The following CACNA2D2 variants were observed in gnomAD, a reference collection of about 807,000 sequenced individuals.
CACNA2D2 encodes the protein voltage-dependent calcium channel subunit alpha-2/delta-2.
A neutral mutation model predicts 166.4 loss-of-function variants in CACNA2D2; 48 were observed. That is an observed-to-expected ratio of 0.29 (90% confidence interval 0.23 to 0.37). CACNA2D2 has a LOEUF of 0.37. Ranked by LOEUF, CACNA2D2 falls within the 10% of genes least tolerant of loss-of-function variation. The pLI, the probability that CACNA2D2 is intolerant of heterozygous loss-of-function variation, is 1.00. For synonymous variants in CACNA2D2, 561 were observed against 573.7 expected (o/e 0.98, Z 0.32); for missense variants, 1,122 against 1,433.0 (o/e 0.78, Z 3.50).
chr3:50,443,593 C>T (rs1368168674), intron 2 of CACNA2D2, among the ~76,000 whole-genome samples: 1 of 152,206 alleles, frequency 6.6e-6, no homozygotes, highest in Non-Finnish European at 1.5e-5. Flanking sequence ...GTCCGTTCAC[C>T]ACCTTGTGCA....
chr3:50,461,998 T>A (rs1709608384), intron 2 of CACNA2D2, among the ~76,000 whole-genome samples: 1 of 152,138 alleles, frequency 6.6e-6, no homozygotes, highest in Non-Finnish European at 1.5e-5. Flanking sequence ...AAATTTAATT[T>A]AACAGAAGCC....
intron 4 of CACNA2D2, among the ~76,000 whole-genome samples, chr3:50,391,333 C>T (rs1400698114): frequency 6.6e-6 from 1 of 152,232 alleles, no homozygotes; most frequent in African/African-American, 2.4e-5. Context: ...GGCCACTCCC[C>T]CCTCCCCTTC....
At chr3:50,449,330 C>T (rs1205224645) in intron 2 of CACNA2D2, among the ~76,000 whole-genome samples, 1 of 152,186 alleles carries the variant, frequency 6.6e-6, no homozygotes, top group Non-Finnish European at 1.5e-5. Flanking sequence ...GAATTGGGTC[C>T]ATATGCTGCT....
chr3:50,409,350 C>A (rs998567834), intron 3 of CACNA2D2, among the ~76,000 whole-genome samples: 43 of 152,366 alleles, frequency 2.8e-4, no homozygotes, highest in Middle Eastern at 6.8e-3. Context: ...GGCAGCAGAG[C>A]AAGCTGCAGG....
At position 50,376,068 on chromosome 3, in the gene CACNA2D2, C is replaced by A; in HGVS notation, c.1702-34G>T. 6.2e-7 allele frequency: 1 copy of A among 1,613,304 alleles called. No homozygotes were observed. The highest frequency in any genetic ancestry group is 8.5e-7 in the Non-Finnish European group (1 of 1,179,998). ...GGCAGGGTGGGAAGTCAGAAGTCCC[C>A]ATTGTGGAAGGTTTGCCCACCCTCC... On this transcript the variant is annotated intron_variant, in intron 18 of 37. Transcript: ENST00000424201. The surrounding 1 kb of genome is among the most constrained non-coding windows in gnomAD (Gnocchi z 4.3).
At chr3:50,424,817 C>G (rs1388927391) in intron 3 of CACNA2D2, among the ~76,000 whole-genome samples, 1 of 152,148 alleles carries the variant, frequency 6.6e-6, no homozygotes, top group African/African-American at 2.4e-5. Flanking sequence ...CTCAGGTGCC[C>G]CTGCCCGGGT....
rs1179776439 is a variant in CACNA2D2, at chr3:50,427,654, T to C, written c.405+6659A>G. Among the ~76,000 whole-genome samples the C allele has an allele frequency of 6.6e-6, 1 of 152,192 alleles. No individual in the cohort carries two copies. The highest frequency in any genetic ancestry group is 1.5e-5 in the Non-Finnish European group (1 of 68,034). ...GGAGGAGGCAGCCAATGCCACAGGA[T>C]TTCCTGCCTGTCCATCTACCATTAC... On this transcript the variant is annotated intron_variant, in intron 3 of 37. Transcript: ENST00000424201. This position sits in a 1 kb window ranked among gnomAD's most constrained non-coding sequence, Gnocchi z 4.7.
intron 6 of CACNA2D2, among the ~76,000 whole-genome samples, chr3:50,383,276 C>G (rs1188852438): frequency 1.3e-5 from 2 of 152,166 alleles, no homozygotes. Context: ...GAGGGCCTAG[C>G]TGACCCCGAG....
At chr3:50,428,108 A>G (rs1263433728) in intron 3 of CACNA2D2, among the ~76,000 whole-genome samples, 1 of 152,056 alleles carries the variant, frequency 6.6e-6, no homozygotes, top group Non-Finnish European at 1.5e-5. Flanking sequence ...GTGGTTCTCA[A>G]CTGGGGCAAC....
chr3:50,468,378 A>AGTGTG (rs1491289565), intron 2 of CACNA2D2, among the ~76,000 whole-genome samples: 3 of 80,686 alleles, frequency 3.7e-5, no homozygotes, highest in African/African-American at 1.6e-4. Context: ...GTTCATCAGA[A>AGTGTG]TAGTGTGTGT....
intron 1 of CACNA2D2, among the ~76,000 whole-genome samples, chr3:50,501,387 AC>A (rs1575794740): frequency 1.6e-5 from 1 of 60,648 alleles, no homozygotes; most frequent in Non-Finnish European, 3.4e-5. Flanking sequence ...CCCCCACCCC[AC>A]CCCCACCCTC....
intron 2 of CACNA2D2, among the ~76,000 whole-genome samples, chr3:50,446,764 G>A (rs952670724): frequency 1.3e-5 from 2 of 152,254 alleles, no homozygotes; most frequent in African/African-American, 2.4e-5. Flanking sequence ...ACCAGACCCC[G>A]AGGGCTCATT....
chr3:50,365,105 C>T lies in CACNA2D2; in HGVS notation c.3178G>A (p.Ala1060Thr). The change falls in exon 36 of 38, where the codon GCT (alanine) becomes ACT (threonine). Residue 1060 changes from alanine (A) to threonine (T), a missense_variant. Ala to Thr is a moderately conservative substitution (Grantham distance 58). Transcript: ENST00000424201. This position sits in a 1 kb window ranked among gnomAD's most constrained non-coding sequence, Gnocchi z 4.5. Reference protein sequence around the residue: ...AEKPLCSQCEAGRLLQKETHS... With the variant: ...AEKPLCSQCETGRLLQKETHS... ...GTCTCCTTCTGCAGCAGCCGGCCAG[C>T]CTCGCACTGGCTGCACAGCGGCTTC... 1 of 1,611,996 alleles carries T rather than the reference C, an allele frequency of 6.2e-7. No individual in the cohort carries two copies. Among genetic ancestry groups the T allele is most frequent in the Non-Finnish European group, 8.5e-7 (1 of 1,179,680 alleles).
intron 4 of CACNA2D2, 37 bp downstream of exon 4, chr3:50,394,072 A>G (rs1274873293): frequency 6.3e-7 from 1 of 1,595,340 alleles, no homozygotes; most frequent in Non-Finnish European, 8.6e-7. Flanking sequence ...ATGGATGGGC[A>G]TGCCCTAAGT....
intron 1 of CACNA2D2, among the ~76,000 whole-genome samples, chr3:50,501,422 A>C (rs539601263): frequency 7.4e-6 from 1 of 135,934 alleles, no homozygotes; most frequent in African/African-American, 2.7e-5. Flanking sequence ...AGTTTGCAAG[A>C]CATGTCCCAA....
At chr3:50,384,118 G>A in intron 6 of CACNA2D2, 78 bp downstream of exon 6, 1 of 1,567,244 alleles carries the variant, frequency 6.4e-7, no homozygotes, top group Non-Finnish European at 8.7e-7. Context: ...CTGTCCCCAG[G>A]GACTCTGGAA....
At position 50,394,259 on chromosome 3, in the gene CACNA2D2, G is replaced by C. The variant is rs1706033910; in HGVS notation, c.406-91C>G. On this transcript the variant is annotated intron_variant, in intron 3 of 37. Coordinates refer to ENST00000424201, the MANE Select transcript of CACNA2D2 (RefSeq NM_006030.4). ...GCCTCTCCATCCCCAGCACTCCCTG[G>C]GGCCAGGCTGGACTGGTGACTCCCT... 6.8e-6 allele frequency: 7 copies of C among 1,034,910 alleles called. No individual in the cohort carries two copies. The East Asian group carries it at 1.4e-4, about 21-fold the overall frequency. 64.1% of individuals were successfully genotyped at this position (1,034,910 alleles called of 1,614,324 possible). A position where few individuals can be genotyped will look rare whatever the true frequency, so the allele number is the denominator to read the frequency against.
In CACNA2D2 at chr3:50,377,542, C is replaced by G. The variant is rs1047139074; in HGVS notation, c.1552-1G>C. The G allele has an allele frequency of 6.2e-7, 1 of 1,613,314 alleles. No homozygotes were observed. Among genetic ancestry groups the G allele is most frequent in the Non-Finnish European group, 8.5e-7 (1 of 1,179,918 alleles). ...CCATCACGCCCAGGATCAGCTGGTT[C>G]TGGGAGCAGAAGCATGGGGGGCTCC... On this transcript the variant is annotated splice_acceptor_variant, in intron 16 of 37. Transcript: ENST00000424201. LOFTEE classifies it high-confidence loss of function.
chr3:50,393,560 T>C (rs1372050254), intron 4 of CACNA2D2, among the ~76,000 whole-genome samples: 1 of 152,178 alleles, frequency 6.6e-6, no homozygotes, highest in Non-Finnish European at 1.5e-5. Context: ...GCGCTCAGCT[T>C]CTTGCACCTC....
Sources: allele counts gnomAD v4.1 joint callset (sites outside exome capture counted in the v4.1 genomes callset), GRCh38; gene constraint gnomAD v4.1.1; non-coding constraint Gnocchi (gnomAD v3.1); transcripts MANE v1.5; gene names NCBI Gene and HGNC (gene_info 2026-07-23, HGNC 2026-07-21).